PDE10A: variants seen among roughly 807,000 people sequenced by gnomAD.
The protein encoded by PDE10A is cAMP and cAMP-inhibited cGMP 3',5'-cyclic phosphodiesterase 10A.
Under a neutral mutation model 97.7 loss-of-function variants are expected in PDE10A, and 39 were observed. The observed-to-expected ratio is 0.40, with a 90% confidence interval of 0.31 to 0.52. PDE10A has a LOEUF of 0.52. Ranked by LOEUF, PDE10A falls within the 20% of genes least tolerant of loss-of-function variation. PDE10A has a pLI of 0.56. For missense variants in PDE10A, 731 were observed against 1,047.8 expected, an observed-to-expected ratio of 0.70 and a Z score of 4.17; for synonymous variants, 371 against 376.8, an observed-to-expected ratio of 0.98 and a Z score of 0.18.
At chr6:165,835,180 A>C (rs1160266693) in intron 1 of PDE10A, among the ~76,000 whole-genome samples, 3 of 152,194 alleles carry the variant, frequency 2.0e-5, no homozygotes, top group Non-Finnish European at 4.4e-5. Flanking sequence ...CCTGATGGGT[A>C]ACTCCCATAC....
At chr6:165,968,299 A>G (rs1451666353) in intron 1 of PDE10A, among the ~76,000 whole-genome samples, 2 of 152,216 alleles carry the variant, frequency 1.3e-5, no homozygotes, top group Non-Finnish European at 2.9e-5. Flanking sequence ...AGGTCATTGT[A>G]TTTTACACAG....
intron 1 of PDE10A, among the ~76,000 whole-genome samples, chr6:165,604,518 T>TTAAAAAAAAAAA (rs1787115533): frequency 1.5e-5 from 2 of 137,766 alleles, no homozygotes; most frequent in African/African-American, 5.4e-5. Flanking sequence ...CTCTCTTTGT[T>TTAAAAAAAAAAA]AAAAAAAAAA....
intron 1 of PDE10A, among the ~76,000 whole-genome samples, chr6:165,612,057 A>C (rs1787517575): frequency 1.3e-5 from 2 of 152,238 alleles, no homozygotes; most frequent in African/African-American, 4.8e-5. Flanking sequence ...TTTAAAAAAC[A>C]TCACTGTATA....
At chr6:165,531,728 A>G (rs1782788019) in intron 2 of PDE10A, among the ~76,000 whole-genome samples, 1 of 151,244 alleles carries the variant, frequency 6.6e-6, no homozygotes, top group African/African-American at 2.4e-5. Flanking sequence ...TATCTCACAG[A>G]AAAGAATTAT....
At chr6:165,577,547 C>T (rs776491809) in intron 1 of PDE10A, among the ~76,000 whole-genome samples, 29 of 152,206 alleles carry the variant, frequency 1.9e-4, no homozygotes, top group Non-Finnish European at 3.1e-4. Context: ...TCTCTGGGTG[C>T]CAAGCCAAGG....
intron 3 of PDE10A, among the ~76,000 whole-genome samples, chr6:165,465,048 G>T (rs1409167859): frequency 6.6e-6 from 1 of 152,176 alleles, no homozygotes; most frequent in Non-Finnish European, 1.5e-5. Context: ...TGGATTGCAA[G>T]ATAAATGTAT....
At chr6:165,893,622 C>T (rs1039111580) in intron 1 of PDE10A, among the ~76,000 whole-genome samples, 50 of 152,140 alleles carry the variant, frequency 3.3e-4, no homozygotes, top group African/African-American at 1.7e-4. Flanking sequence ...TCTACACAGC[C>T]GGGCAGCTAG....
At position 165,662,039 on chromosome 6, in the gene PDE10A, G is replaced by C; in HGVS notation, c.773C>G (p.Ala258Gly). Residue 258 changes from alanine (A) to glycine (G), a missense_variant, in exon 1 of 22, where the codon GCG becomes GGG. By Grantham distance (60) the Ala-to-Gly change is moderately conservative. Around this residue, in one of 8 missense-constraint regions of PDE10A, gnomAD observed 181 missense variants for 159.1 expected, o/e 1.14. Coordinates refer to ENST00000539869, the MANE Select transcript of PDE10A (RefSeq NM_001385079.1). ...GTCGGAGCCGAAGAGCAGCGCGGCCGCGGCGGCGAGGGCGAAGCTGGCGCC... is the reference window on the plus strand; with the variant it reads ...GTCGGAGCCGAAGAGCAGCGCGGCCCCGGCGGCGAGGGCGAAGCTGGCGCC... ...PQGASFALAA[A>G]AALLFGSDME... The C allele has an allele frequency of 6.8e-7, 1 of 1,480,732 alleles. No homozygotes were observed. Among genetic ancestry groups the C allele is most frequent in the African/African-American group, 1.5e-5 (1 of 68,568 alleles). The allele number at this position is 1,480,732 out of a possible 1,614,324, so 91.7% of individuals were successfully genotyped here.
intron 1 of PDE10A, among the ~76,000 whole-genome samples, chr6:165,812,369 C>G (rs1344236574): frequency 6.6e-6 from 1 of 152,022 alleles, no homozygotes; most frequent in Non-Finnish European, 1.5e-5. Flanking sequence ...CAAAAAATAA[C>G]TTTTAATAAC....
chr6:165,782,904 T>C (rs1466261138), intron 1 of PDE10A, among the ~76,000 whole-genome samples: 1 of 152,188 alleles, frequency 6.6e-6, no homozygotes, highest in African/African-American at 2.4e-5. Context: ...CTGCTGCGTA[T>C]GAAGGAAAGA....
intron 1 of PDE10A, among the ~76,000 whole-genome samples, chr6:165,694,022 T>C (rs1160172388): frequency 6.6e-6 from 1 of 152,246 alleles, no homozygotes; most frequent in East Asian, 1.9e-4. Flanking sequence ...TTACTTTTAA[T>C]GGGTACAAGT....
chr6:165,643,429 G>T (rs1789242147), intron 1 of PDE10A, among the ~76,000 whole-genome samples: 1 of 152,148 alleles, frequency 6.6e-6, no homozygotes, highest in African/African-American at 2.4e-5. Context: ...TCTGCCCTAG[G>T]AACAGAGCCT....
chr6:165,343,754 A>C (rs1782125235), intron 18 of PDE10A, among the ~76,000 whole-genome samples: 1 of 152,212 alleles, frequency 6.6e-6, no homozygotes, highest in Admixed American at 6.5e-5. Flanking sequence ...ATGCTACTGA[A>C]GAAATCAAAT....
At chr6:165,793,897 G>C (rs1338058951) in intron 1 of PDE10A, among the ~76,000 whole-genome samples, 1 of 152,140 alleles carries the variant, frequency 6.6e-6, no homozygotes, top group African/African-American at 2.4e-5. Context: ...TACTGGGATT[G>C]GCACTTCACC....
At chr6:165,706,949 T>C (rs1791724960) in intron 1 of PDE10A, among the ~76,000 whole-genome samples, 1 of 152,238 alleles carries the variant, frequency 6.6e-6, no homozygotes. Flanking sequence ...AAACAATAAG[T>C]GATTTTGAAT....
Position 165,922,573 on chromosome 6 carries a change from C to T in PDE10A, c.-615+64956G>A, listed in dbSNP as rs74498699. Among the ~76,000 whole-genome samples, 1,168 of 152,248 alleles carry T rather than the reference C, an allele frequency of 7.7e-3. 19 individuals carry two copies. The highest frequency in any genetic ancestry group is 0.026 in the African/African-American group (1,078 of 41,536). On this transcript the variant is annotated intron_variant, in intron 1 of 19. Coordinates refer to the PDE10A transcript ENST00000366882. The stretch of plus-strand genomic sequence containing the variant: ...CAAAAAATCTGGGACAATCTGTTTG[C>T]TCTACAACTGGTCAAACAATGACCC...
intron 1 of PDE10A, among the ~76,000 whole-genome samples, chr6:165,912,828 A>T (rs1782500027): frequency 6.6e-6 from 1 of 152,236 alleles, no homozygotes; most frequent in South Asian, 2.1e-4. Context: ...TGTCCAGTAT[A>T]AGCAACTGTT....
intron 1 of PDE10A, among the ~76,000 whole-genome samples, chr6:165,730,785 C>T (rs1041788081): frequency 1.4e-5 from 2 of 145,738 alleles, no homozygotes; most frequent in Admixed American, 6.9e-5. Context: ...GTGGCTCACG[C>T]CTGTAATCCC....
chr6:165,790,731 C>T (rs1778623495), intron 1 of PDE10A, among the ~76,000 whole-genome samples: 1 of 152,094 alleles, frequency 6.6e-6, no homozygotes, highest in Non-Finnish European at 1.5e-5. Flanking sequence ...TTTCTCACGT[C>T]CCAAGAAGGT....
Sources: allele counts gnomAD v4.1 joint callset (sites outside exome capture counted in the v4.1 genomes callset), GRCh38; gene constraint gnomAD v4.1.1; regional missense constraint gnomAD v4.1.1; transcripts MANE v1.5; gene names NCBI Gene and HGNC (gene_info 2026-07-23, HGNC 2026-07-21).